The following JAK2 variants were observed in gnomAD, a reference collection of about 807,000 sequenced individuals.
JAK2 encodes the protein tyrosine-protein kinase JAK2.
Under a neutral mutation model 139.3 loss-of-function variants are expected in JAK2, and 86 were observed. The ratio of observed to expected loss-of-function variants is 0.62; its 90% CI spans 0.52 to 0.74. The LOEUF is 0.74. Among genes scored for constraint, JAK2 ranks in the 30% least tolerant of loss-of-function variants. The pLI is 0.00. For missense variants in JAK2, 1,421 were observed against 1,360.3 expected, an observed-to-expected ratio of 1.04 and a Z score of -0.70; for synonymous variants, 490 against 437.7, an observed-to-expected ratio of 1.12 and a Z score of -1.49.
At chr9:5,005,648 T>A (rs1191681500) in intron 2 of JAK2, among the ~76,000 whole-genome samples, 5 of 152,230 alleles carry the variant, frequency 3.3e-5, no homozygotes, top group Non-Finnish European at 5.9e-5. Context: ...CTTACATATT[T>A]TGGTATCATG....
chr9:5,077,806 A>G (rs1039732757), intron 15 of JAK2, among the ~76,000 whole-genome samples: 1 of 152,240 alleles, frequency 6.6e-6, no homozygotes, highest in African/African-American at 2.4e-5. Flanking sequence ...TAGAACTACT[A>G]ATAGACAATC....
intron 22 of JAK2, chr9:5,110,368 T>C (rs118121949): frequency 0.046 from 6,953 of 152,304 alleles, 229 homozygotes; most frequent in Non-Finnish European, 0.068. Flanking sequence ...TAAAAAATCA[T>C]AGCATTCTCC....
chr9:5,019,100 T>C (rs1246558270), intron 2 of JAK2, among the ~76,000 whole-genome samples: 1 of 152,204 alleles, frequency 6.6e-6, no homozygotes, highest in Non-Finnish European at 1.5e-5. Context: ...CTAAATCTCT[T>C]GATATACTTG....
chr9:5,124,908 A>C (rs1823875124), intron 23 of JAK2, among the ~76,000 whole-genome samples: 2 of 151,600 alleles, frequency 1.3e-5, no homozygotes, highest in African/African-American at 4.8e-5. Flanking sequence ...CAAACAAAAT[A>C]ATCCCAAACC....
At chr9:5,000,334 C>T (rs1307765713) in intron 2 of JAK2, among the ~76,000 whole-genome samples, 2 of 151,862 alleles carry the variant, frequency 1.3e-5, no homozygotes, top group East Asian at 1.9e-4. Context: ...AGGAAATAGT[C>T]GGAAATGTCC....
At chr9:5,035,720 G>A (rs1294765154) in intron 4 of JAK2, among the ~76,000 whole-genome samples, 1 of 152,160 alleles carries the variant, frequency 6.6e-6, no homozygotes, top group Non-Finnish European at 1.5e-5. Context: ...AGGTATTGAT[G>A]GGACGTGTCT....
chr9:5,111,241 T>C (rs1343673273), intron 22 of JAK2: 1 of 552,024 alleles, frequency 1.8e-6, no homozygotes, highest in South Asian at 1.6e-5. Context: ...TATTCCTCCT[T>C]TGGTAGAGAC....
chr9:5,119,583 A>C (rs781768995), intron 22 of JAK2, among the ~76,000 whole-genome samples: 1 of 152,044 alleles, frequency 6.6e-6, no homozygotes, highest in Non-Finnish European at 1.5e-5. Context: ...ATTTCTCATT[A>C]CTTAATTTGC....
chr9:5,077,613 T>C (rs1819393075), intron 15 of JAK2, 33 bp downstream of exon 15: 4 of 1,332,992 alleles, frequency 3.0e-6, no homozygotes, highest in South Asian at 1.7e-5. Context: ...CAAAAGATAC[T>C]ATTTTATTTT....
chr9:5,032,296 G>A (rs191902769), intron 4 of JAK2, among the ~76,000 whole-genome samples: 17 of 152,290 alleles, frequency 1.1e-4, no homozygotes, highest in African/African-American at 3.4e-4. Flanking sequence ...GAGGCCTGCC[G>A]GCCTCTGTAG....
At chr9:5,041,980 T>C in intron 4 of JAK2, 1 of 366,622 alleles carries the variant, frequency 2.7e-6, no homozygotes, top group Non-Finnish European at 5.3e-6. Context: ...GGGAGCGAGC[T>C]TGTGTGAGGG....
At chr9:5,059,567 A>G (rs1192436607) in intron 8 of JAK2, among the ~76,000 whole-genome samples, 1 of 152,030 alleles carries the variant, frequency 6.6e-6, no homozygotes, top group Non-Finnish European at 1.5e-5. Flanking sequence ...CTTTTTTTGT[A>G]TATATATATC....
intron 4 of JAK2, chr9:5,041,227 G>A (rs943688952): frequency 5.2e-5 from 76 of 1,463,940 alleles, no homozygotes; most frequent in Non-Finnish European, 7.1e-5. Flanking sequence ...TGGGGCGCCC[G>A]GGGACCAAGC....
intron 2 of JAK2, among the ~76,000 whole-genome samples, chr9:4,995,366 G>C (rs1820501270): frequency 6.6e-6 from 1 of 152,120 alleles, no homozygotes. Flanking sequence ...ATCTAGGTAG[G>C]TTCCTTCTAA....
intron 10 of JAK2, among the ~76,000 whole-genome samples, chr9:5,067,985 C>A (rs1375686422): frequency 2.0e-5 from 3 of 151,854 alleles, no homozygotes; most frequent in Non-Finnish European, 1.5e-5. Flanking sequence ...AATGGTGAAA[C>A]CCTGTCTCTA....
At chr9:5,064,584 C>A (rs2130488957) in intron 8 of JAK2, among the ~76,000 whole-genome samples, 1 of 151,090 alleles carries the variant, frequency 6.6e-6, no homozygotes, top group Non-Finnish European at 1.5e-5. Context: ...ACTTTTATAT[C>A]ATATTAAATA....
chr9:5,101,819 A>C (rs1344455423), intron 22 of JAK2, among the ~76,000 whole-genome samples: 3 of 152,344 alleles, frequency 2.0e-5, no homozygotes, highest in African/African-American at 7.2e-5. Flanking sequence ...CCTGACTGTT[A>C]GAAAGAAAAC....
intron 3 of JAK2, among the ~76,000 whole-genome samples, chr9:5,026,927 C>G (rs1822819597): frequency 6.6e-6 from 1 of 152,000 alleles, no homozygotes. Context: ...TAAAATAGCC[C>G]AAAGGACATA....
Position 5,076,690 on chromosome 9 carries a change from C to T in JAK2, c.1865-763C>T, listed in dbSNP as rs548746847. On this transcript the variant is annotated intron_variant, in intron 14 of 24. Transcript: ENST00000381652. ...TTCGAGGTATGCCTTTATTTTAGTG[C>T]CTCACAAAGTTTACATTCAAGAAAA... is the stretch of plus-strand genomic sequence containing the variant. 7.2e-5 allele frequency among the ~76,000 whole-genome samples: 11 copies of T among 152,104 alleles called. No homozygotes were observed. The East Asian group carries it at 1.5e-3, about 21-fold the overall frequency.
Sources: gnomAD v4.1 joint callset for allele counts (sites outside exome capture counted in the v4.1 genomes callset) on GRCh38, gnomAD v4.1.1 for gene constraint, MANE v1.5 for transcripts, NCBI Gene and HGNC (gene_info 2026-07-23, HGNC 2026-07-21) for gene names.